Variants in LRP2 observed in about 807,000 individuals in gnomAD.
LRP2 encodes the protein low-density lipoprotein receptor-related protein 2.
Under a neutral mutation model 531.0 loss-of-function variants are expected in LRP2, and 172 were observed. That is an observed-to-expected ratio of 0.32 (90% CI 0.29 to 0.37). The LOEUF is 0.37. LRP2 is among the 10% of genes least tolerant of loss of function. The pLI, the probability that LRP2 is intolerant of heterozygous loss-of-function variation, is 1.00. For missense variants in LRP2, 5,167 were observed against 5,868.3 expected, an observed-to-expected ratio of 0.88 and a Z score of 3.90; for synonymous variants, 1,992 against 2,027.6, an observed-to-expected ratio of 0.98 and a Z score of 0.47.
rs149329633 is a variant in LRP2, at chr2:169,264,794, G to A, written c.2321-5577C>T. On this transcript the variant is annotated intron_variant, in intron 16 of 78. Coordinates refer to ENST00000649046, the MANE Select transcript of LRP2 (RefSeq NM_004525.3). ...GGGCTCAGATAAAGCAAGATAAGGA[G>A]CAATCCAATGCCTAGGTCCCTCCCA... Among the ~76,000 whole-genome samples the A allele has an allele frequency of 3.6e-3, 554 of 152,086 alleles. 2 individuals are homozygous for A. The highest frequency in any genetic ancestry group is 5.7e-3 in the Non-Finnish European group (389 of 67,946).
At chr2:169,245,600 C>CT (rs959236932) in intron 21 of LRP2, among the ~76,000 whole-genome samples, 7 of 151,924 alleles carry the variant, frequency 4.6e-5, no homozygotes, top group South Asian at 2.1e-4. Context: ...TGTCCTCTAT[C>CT]TTTTTTTTAA....
chr2:169,285,494 C>T (rs1683831058), intron 9 of LRP2, among the ~76,000 whole-genome samples: 1 of 152,136 alleles, frequency 6.6e-6, no homozygotes, highest in African/African-American at 2.4e-5. Context: ...AACACTAAAA[C>T]ACTACTTTAC....
chr2:169,168,413 C>G, intron 61 of LRP2, 126 bp downstream of exon 61: 1 of 1,184,784 alleles, frequency 8.4e-7, no homozygotes, highest in Non-Finnish European at 1.2e-6. Flanking sequence ...ATAACACCAA[C>G]GCTGATCCTG....
intron 45 of LRP2, 150 bp downstream of exon 45, chr2:169,198,636 T>C: frequency 1.2e-6 from 1 of 816,944 alleles, no homozygotes; most frequent in South Asian, 1.4e-5. Flanking sequence ...TGCAATCACA[T>C]ATGAAAGCAA....
intron 14 of LRP2, 101 bp from the exon 15 acceptor site, chr2:169,273,168 G>A: frequency 7.5e-7 from 1 of 1,333,618 alleles, no homozygotes. Context: ...GTGAAATAGA[G>A]TAATGGATTA....
chr2:169,169,868 G>T (rs754231516), intron 59 of LRP2, 50 bp from the exon 60 acceptor site: 1 of 1,249,498 alleles, frequency 8.0e-7, no homozygotes, highest in Non-Finnish European at 1.2e-6. Context: ...TTTTCAGACA[G>T]ATATTAGGTA....
intron 15 of LRP2, 93 bp downstream of exon 15, chr2:169,272,834 G>C: frequency 6.5e-7 from 1 of 1,531,402 alleles, no homozygotes; most frequent in South Asian, 1.1e-5. Flanking sequence ...CAGGGAGCTG[G>C]TCCAGTTCAA....
intron 16 of LRP2, 145 bp downstream of exon 16, chr2:169,270,759 T>TAAATAAAC: frequency 7.4e-6 from 2 of 269,482 alleles, no homozygotes; most frequent in Non-Finnish European, 1.3e-5. Context: ...TAAAATAGTA[T>TAAATAAAC]AAATAAATAA....
At chr2:169,359,848 G>T (rs1046516441) in intron 1 of LRP2, among the ~76,000 whole-genome samples, 1 of 152,106 alleles carries the variant, frequency 6.6e-6, no homozygotes, top group African/African-American at 2.4e-5. Flanking sequence ...ATCGGGCCAG[G>T]TGCAGTGGCT....
At position 169,150,311 on chromosome 2, in the gene LRP2, C is replaced by A. The variant is rs1686074739; in HGVS notation, c.12590+587G>T. On this transcript the variant is annotated intron_variant, in intron 68 of 78. Transcript: ENST00000649046. ...TGAAGCTAAGCTAATATGTAAATAC[C>A]AAGTCATTTCAGCTTAGTGATTATT... Among the ~76,000 whole-genome samples the A allele has an allele frequency of 2.0e-5, 3 of 151,900 alleles. No individual in the cohort carries two copies. In the South Asian group the frequency reaches 6.2e-4, roughly 32 times the overall value.
chr2:169,224,507 TCTGTTTTG>T (rs1559026502), intron 33 of LRP2, among the ~76,000 whole-genome samples: 1 of 152,220 alleles, frequency 6.6e-6, no homozygotes, highest in Admixed American at 6.5e-5. Context: ...GTTTCTACTT[TCTGTTTTG>T]CTGTTAGAAA....
chr2:169,338,065 C>G (rs1685453316), intron 1 of LRP2, among the ~76,000 whole-genome samples: 1 of 151,658 alleles, frequency 6.6e-6, no homozygotes, highest in Non-Finnish European at 1.5e-5. Flanking sequence ...TATGATCATG[C>G]CACTGCACTG....
At chr2:169,223,278 C>T (rs934212103) in intron 33 of LRP2, among the ~76,000 whole-genome samples, 3 of 152,182 alleles carry the variant, frequency 2.0e-5, no homozygotes, top group African/African-American at 7.2e-5. Context: ...CACACATGCA[C>T]GCTCAGTTAT....
chr2:169,192,481 A>G (rs1687864838), intron 47 of LRP2, among the ~76,000 whole-genome samples: 1 of 152,114 alleles, frequency 6.6e-6, no homozygotes. Flanking sequence ...GGTTAACTGG[A>G]TGTCTCAAAG....
At chr2:169,312,731 T>G (rs1684648504) in intron 3 of LRP2, among the ~76,000 whole-genome samples, 1 of 152,230 alleles carries the variant, frequency 6.6e-6, no homozygotes, top group East Asian at 1.9e-4. Context: ...CTGTATTTCC[T>G]GAATTTGAGT....
Position 169,154,592 on chromosome 2 carries a change from A to T in LRP2, c.12163T>A (p.Leu4055Met). ...CGGACATTGTCAGGCAGTAGCAACA[A>T]AGGAGAGCTACCTGTAAACAAACAA... is the stretch of plus-strand genomic sequence containing the variant. ...KRCAAEGSSP[L>M]LLLPDNVRIR... The change falls in exon 66 of 79, where the codon TTG becomes ATG. Residue 4055 changes from leucine to methionine, a missense_variant. This residue lies in a region of LRP2 where 564 missense variants were observed against 747.7 expected (regional missense o/e 0.75). Transcript: ENST00000649046. The T allele has an allele frequency of 6.2e-7, 1 of 1,613,424 alleles. No homozygotes were observed. Among genetic ancestry groups the T allele is most frequent in the Non-Finnish European group, 8.5e-7 (1 of 1,179,590 alleles).
chr2:169,145,872 G>T lies in LRP2; in HGVS notation c.12863C>A (p.Ser4288Tyr). The change falls in exon 70 of 79, where the codon TCT (serine) becomes TAT (tyrosine). Residue 4288 changes from serine (S) to tyrosine (Y), a missense_variant. Ser to Tyr is a moderately radical substitution (Grantham distance 144, BLOSUM62 -2). Around this residue, in one of 6 missense-constraint regions of LRP2, gnomAD observed 564 missense variants for 747.7 expected, o/e 0.75. Coordinates refer to ENST00000649046, the MANE Select transcript of LRP2 (RefSeq NM_004525.3). The stretch of plus-strand genomic sequence containing the variant: ...TTTCCATACTTCTCCCTTTTCCTTA[G>T]ATATCCAGTATAACTGGTCTTCAAA... Reference protein sequence around the residue: ...DIFEDQLYWISKEKGEVWKQN... With the variant: ...DIFEDQLYWIYKEKGEVWKQN... The T allele has an allele frequency of 6.2e-7, 1 of 1,613,954 alleles. No individual in the cohort carries two copies. The highest frequency in any genetic ancestry group is 8.5e-7 in the Non-Finnish European group (1 of 1,179,958).
At chr2:169,231,955 T>G (rs906515106) in intron 30 of LRP2, 113 bp from the exon 31 acceptor site, 8 of 1,283,748 alleles carry the variant, frequency 6.2e-6, no homozygotes, top group Non-Finnish European at 8.8e-6. Flanking sequence ...GGGGCTTAAG[T>G]ACGTTGTTAC....
chr2:169,309,250 G>A (rs979442892), intron 3 of LRP2, among the ~76,000 whole-genome samples: 2 of 152,072 alleles, frequency 1.3e-5, no homozygotes, highest in African/African-American at 4.8e-5. Context: ...TATCAATTTT[G>A]GCTTTTGTTA....
Sources: allele counts gnomAD v4.1 joint callset (sites outside exome capture counted in the v4.1 genomes callset), GRCh38; gene constraint gnomAD v4.1.1; regional missense constraint gnomAD v4.1.1; transcripts MANE v1.5; gene names NCBI Gene and HGNC (gene_info 2026-07-23, HGNC 2026-07-21).